The following ZMAT4 variants were observed in gnomAD, a reference collection of about 807,000 sequenced individuals.
ZMAT4 encodes the protein zinc finger matrin-type protein 4.
ZMAT4 carries 17 observed loss-of-function variants against 28.7 expected under a neutral mutation model. The ratio of observed to expected loss-of-function variants is 0.59; its 90% CI spans 0.41 to 0.89. The LOEUF (loss-of-function observed/expected upper bound fraction) is 0.89, where lower values mean the gene tolerates loss of function less well. Among genes scored for constraint, ZMAT4 ranks in the 40% least tolerant of loss-of-function variants. The pLI, the probability that ZMAT4 is intolerant of heterozygous loss-of-function variation, is 0.00. For synonymous variants in ZMAT4, 117 were observed against 109.2 expected (o/e 1.07, Z -0.44); for missense variants, 240 against 283.8 (o/e 0.85, Z 1.11).
chr8:40,622,626 C>G lies in ZMAT4; in HGVS notation c.578-41365G>C, dbSNP rs547258414. ...AAGAAAAGAGGTTTATTTGGCTCAT[C>G]ATTCTGCAGGCTGTGCAAGAACCAT... On this transcript the variant is annotated intron_variant, in intron 5 of 6. Transcript: ENST00000297737. Among the ~76,000 whole-genome samples, 369 of 152,314 alleles carry G rather than the reference C, an allele frequency of 2.4e-3. 3 individuals carry two copies. Among genetic ancestry groups the G allele is most frequent in the African/African-American group, 8.2e-3 (342 of 41,562 alleles).
At chr8:40,547,276 T>A (rs1803233903) in intron 6 of ZMAT4, among the ~76,000 whole-genome samples, 1 of 152,144 alleles carries the variant, frequency 6.6e-6, no homozygotes, top group Admixed American at 6.5e-5. Context: ...TCCCGCTGTT[T>A]TGTTGATGGT....
chr8:40,741,338 T>C (rs916693559), intron 3 of ZMAT4, among the ~76,000 whole-genome samples: 2 of 150,954 alleles, frequency 1.3e-5, no homozygotes, highest in African/African-American at 4.9e-5. Flanking sequence ...TCCAAGCTAC[T>C]GGGGAGGCTG....
intron 5 of ZMAT4, among the ~76,000 whole-genome samples, chr8:40,611,565 C>A (rs1424437521): frequency 6.6e-6 from 1 of 152,166 alleles, no homozygotes; most frequent in African/African-American, 2.4e-5. Context: ...TGGTCTCGAT[C>A]TCCTGACCTG....
At chr8:40,621,061 T>C (rs1246165735) in intron 5 of ZMAT4, among the ~76,000 whole-genome samples, 1 of 152,236 alleles carries the variant, frequency 6.6e-6, no homozygotes, top group East Asian at 1.9e-4. Flanking sequence ...GCATCCACTA[T>C]TTCTGGTCTC....
intron 2 of ZMAT4, 78 bp downstream of exon 2, chr8:40,825,496 AG>A: frequency 8.2e-7 from 1 of 1,213,448 alleles, no homozygotes. Context: ...GTCCAGAAGG[AG>A]GATCCTGGAG....
At chr8:40,726,056 T>C (rs1406175339) in intron 3 of ZMAT4, among the ~76,000 whole-genome samples, 2 of 152,226 alleles carry the variant, frequency 1.3e-5, no homozygotes, top group Non-Finnish European at 2.9e-5. Flanking sequence ...CCATTACCCC[T>C]TGTTGTTTTT....
At chr8:40,675,990 A>G (rs540697298) in intron 4 of ZMAT4, among the ~76,000 whole-genome samples, 223 of 152,348 alleles carry the variant, frequency 1.5e-3, no homozygotes, top group African/African-American at 5.1e-3. Context: ...AAAACAAACA[A>G]ACAAAAAAGA....
intron 3 of ZMAT4, among the ~76,000 whole-genome samples, chr8:40,757,381 C>T (rs1812740465): frequency 6.6e-6 from 1 of 152,076 alleles, no homozygotes; most frequent in African/African-American, 2.4e-5. Flanking sequence ...CGCATGCACA[C>T]AAACACCCTT....
rs560460585 is a variant in ZMAT4 at position 40,622,075 on chromosome 8, T to A, written c.578-40814A>T. Among the ~76,000 whole-genome samples the A allele has an allele frequency of 6.5e-4, 99 of 152,354 alleles. 1 individual carries two copies. The highest frequency in any genetic ancestry group is 2.0e-3 in the African/African-American group (82 of 41,584). On this transcript the variant is annotated intron_variant, in intron 5 of 6. Transcript: ENST00000297737. ...AATAGTCAATTCCAAGTATTTTACA[T>A]GTTTACATCACACATTCCCAATACA...
intron 2 of ZMAT4, among the ~76,000 whole-genome samples, chr8:40,805,332 C>A (rs1254986086): frequency 6.8e-6 from 1 of 146,508 alleles, no homozygotes; most frequent in Non-Finnish European, 1.5e-5. Context: ...CACTTTTACA[C>A]TGTTGGTGGG....
chr8:40,862,972 A>T (rs190218962), intron 1 of ZMAT4, among the ~76,000 whole-genome samples: 107 of 149,794 alleles, frequency 7.1e-4, no homozygotes, highest in African/African-American at 2.0e-3. Context: ...AATATAATTT[A>T]AAAAAAAAAG....
rs182292317 is a variant in ZMAT4, at chr8:40,885,707, C to T, written c.-5+11976G>A. Among the ~76,000 whole-genome samples, 20 of 152,306 alleles carry T rather than the reference C, an allele frequency of 1.3e-4. No individual in the cohort carries two copies. In the East Asian group the frequency reaches 3.7e-3, roughly 28 times the overall value. ...AATCCCAGTGGTTCAAGGAAGCACA[C>T]CCTGTCCTCGCTGCTATTCCTGGCA... On this transcript the variant is annotated intron_variant, in intron 1 of 6. Transcript: ENST00000297737.
intron 3 of ZMAT4, among the ~76,000 whole-genome samples, chr8:40,704,259 A>C (rs1810263461): frequency 6.6e-6 from 1 of 152,180 alleles, no homozygotes; most frequent in Admixed American, 6.5e-5. Context: ...CTCCCACTTT[A>C]CTGGGATCAG....
At chr8:40,535,949 T>C (rs1802833415) in intron 6 of ZMAT4, among the ~76,000 whole-genome samples, 4 of 152,156 alleles carry the variant, frequency 2.6e-5, no homozygotes, top group Admixed American at 2.6e-4. Context: ...TTACATGAAA[T>C]GATACGGCCA....
chr8:40,710,550 C>T (rs941118176), intron 3 of ZMAT4, among the ~76,000 whole-genome samples: 1 of 151,950 alleles, frequency 6.6e-6, no homozygotes, highest in Admixed American at 6.6e-5. Flanking sequence ...ACAAAATTTC[C>T]CTAGCACTCA....
rs373855983 is a variant in ZMAT4, at chr8:40,586,909, G to A, written c.578-5648C>T. ...GCACAGTATATAAGCAGGATCATGAGGAAGAAAGTAAGTGGGAAGAAGAGT... is the reference window on the plus strand; with the variant it reads ...GCACAGTATATAAGCAGGATCATGAAGAAGAAAGTAAGTGGGAAGAAGAGT... On this transcript the variant is annotated intron_variant, in intron 5 of 6. Coordinates refer to ENST00000297737, the MANE Select transcript of ZMAT4 (RefSeq NM_024645.3). Among the ~76,000 whole-genome samples the A allele has an allele frequency of 3.3e-5, 5 of 152,166 alleles. No homozygotes were observed. The East Asian group carries it at 5.8e-4, about 18-fold the overall frequency.
intron 2 of ZMAT4, among the ~76,000 whole-genome samples, chr8:40,802,477 C>A (rs368292891): frequency 1.3e-5 from 2 of 151,884 alleles, no homozygotes; most frequent in Admixed American, 6.5e-5. Context: ...AATGTTAGCA[C>A]ACAAAAACTT....
At chr8:40,844,657 CTGTGTGTGTGTG>C (rs71224857) in intron 1 of ZMAT4, among the ~76,000 whole-genome samples, 88 of 142,494 alleles carry the variant, frequency 6.2e-4, no homozygotes, top group East Asian at 1.0e-3. Context: ...CTCTCTCATT[CTGTGTGTGTGTG>C]TGTGTGTGTG....
chr8:40,541,203 G>T (rs559562641), intron 6 of ZMAT4, among the ~76,000 whole-genome samples: 1 of 151,972 alleles, frequency 6.6e-6, no homozygotes, highest in African/African-American at 2.4e-5. Flanking sequence ...CATGAGCCTC[G>T]GTTTTAGGCT....
Sources: allele counts gnomAD v4.1 joint callset (sites outside exome capture counted in the v4.1 genomes callset), GRCh38; gene constraint gnomAD v4.1.1; transcripts MANE v1.5; gene names NCBI Gene and HGNC (gene_info 2026-07-23, HGNC 2026-07-21).